MDFIC2: variants seen among roughly 807,000 people sequenced by gnomAD.
MDFIC2 encodes MyoD family inhibitor domain containing 2.
At chr3:70,207,019 A>G (rs1233194757) in intron 2 of MDFIC2, among the ~76,000 whole-genome samples, 3 of 149,526 alleles carry the variant, frequency 2.0e-5, no homozygotes, top group African/African-American at 7.5e-5. Flanking sequence ...GGTAATTTGT[A>G]ACACTTATTT....
intron 2 of MDFIC2, among the ~76,000 whole-genome samples, chr3:70,268,000 C>T (rs1395078945): frequency 5.9e-5 from 9 of 151,316 alleles, no homozygotes; most frequent in African/African-American, 1.7e-4. Flanking sequence ...TTCACCTCCC[C>T]TTTCTCCTCC....
intron 2 of MDFIC2, among the ~76,000 whole-genome samples, chr3:70,285,403 C>T (rs1415376338): frequency 3.9e-5 from 6 of 152,084 alleles, no homozygotes; most frequent in Non-Finnish European, 8.8e-5. Context: ...GTTTTTATGG[C>T]TGCATAGTAT....
chr3:70,259,914 AAGG>A (rs1205903277), intron 2 of MDFIC2, among the ~76,000 whole-genome samples: 2 of 152,162 alleles, frequency 1.3e-5, no homozygotes. Flanking sequence ...AGGAAGCAGG[AAGG>A]AGAAGTGCCA....
chr3:70,281,481 T>C (rs949458831), intron 2 of MDFIC2, among the ~76,000 whole-genome samples: 4 of 152,222 alleles, frequency 2.6e-5, no homozygotes, highest in African/African-American at 4.8e-5. Flanking sequence ...TTGGGTTCTC[T>C]GACATGCATT....
At chr3:70,228,462 A>C (rs1701528645) in intron 2 of MDFIC2, among the ~76,000 whole-genome samples, 1 of 152,080 alleles carries the variant, frequency 6.6e-6, no homozygotes, top group Non-Finnish European at 1.5e-5. Context: ...AGATTCAGAA[A>C]TAGACTCTGT....
At chr3:70,217,052 G>A (rs1314318913) in intron 2 of MDFIC2, among the ~76,000 whole-genome samples, 1 of 152,124 alleles carries the variant, frequency 6.6e-6, no homozygotes, top group African/African-American at 2.4e-5. Context: ...TCTGCACAGT[G>A]ATTTTTAAAA....
intron 2 of MDFIC2, among the ~76,000 whole-genome samples, chr3:70,248,143 C>T (rs1701726290): frequency 6.6e-6 from 1 of 151,958 alleles, no homozygotes; most frequent in African/African-American, 2.4e-5. Flanking sequence ...TATTCTCTGT[C>T]CTGAAGTCTC....
At chr3:70,240,046 T>C (rs1481470474) in intron 2 of MDFIC2, among the ~76,000 whole-genome samples, 1 of 152,084 alleles carries the variant, frequency 6.6e-6, no homozygotes, top group African/African-American at 2.4e-5. Context: ...TAGTTTTGAG[T>C]GCTTCAATGC....
intron 2 of MDFIC2, among the ~76,000 whole-genome samples, chr3:70,223,293 G>C (rs1318349141): frequency 1.3e-5 from 2 of 152,090 alleles, no homozygotes; most frequent in Non-Finnish European, 2.9e-5. Flanking sequence ...ACACAGTCAA[G>C]ACTCAACTCA....
chr3:70,296,988 C>G (rs1057508182), intron 2 of MDFIC2, among the ~76,000 whole-genome samples: 1 of 151,908 alleles, frequency 6.6e-6, no homozygotes, highest in Non-Finnish European at 1.5e-5. Flanking sequence ...TCCCCATGCT[C>G]CCCAACCGCC....
chr3:70,290,140 T>G (rs189569057), intron 2 of MDFIC2, among the ~76,000 whole-genome samples: 7,223 of 152,188 alleles, frequency 0.047, 212 homozygotes, highest in South Asian at 0.14. Flanking sequence ...GGCGCTCTGC[T>G]TTTTAGAGTT....
At chr3:70,229,918 A>C (rs927558218) in intron 2 of MDFIC2, among the ~76,000 whole-genome samples, 3 of 152,168 alleles carry the variant, frequency 2.0e-5, no homozygotes, top group Non-Finnish European at 4.4e-5. Flanking sequence ...AATCAAGAAT[A>C]TTTTGGGGTA....
intron 2 of MDFIC2, among the ~76,000 whole-genome samples, chr3:70,280,249 T>G (rs1463394461): frequency 6.6e-6 from 1 of 152,150 alleles, no homozygotes; most frequent in Non-Finnish European, 1.5e-5. Context: ...AAAAAGATGT[T>G]TGTGATTAAA....
intron 2 of MDFIC2, among the ~76,000 whole-genome samples, chr3:70,207,926 A>G (rs935273277): frequency 2.0e-5 from 3 of 152,050 alleles, no homozygotes; most frequent in African/African-American, 7.2e-5. Context: ...CTGCTCTGCA[A>G]CAAGCGCTGG....
intron 1 of MDFIC2, among the ~76,000 whole-genome samples, chr3:70,312,174 TATG>T (rs779553599): frequency 8.5e-5 from 13 of 152,212 alleles, no homozygotes; most frequent in Non-Finnish European, 1.2e-4. Context: ...CTAAACTTTA[TATG>T]ATATTTCTTT....
intron 2 of MDFIC2, among the ~76,000 whole-genome samples, chr3:70,223,374 CTGAGA>C (rs1701476975): frequency 6.6e-6 from 1 of 152,280 alleles, no homozygotes; most frequent in Non-Finnish European, 1.5e-5. Flanking sequence ...TAAAAATCAA[CTGAGA>C]TGAGTGCAGA....
At chr3:70,290,345 G>C (rs565579814) in intron 2 of MDFIC2, among the ~76,000 whole-genome samples, 2 of 152,146 alleles carry the variant, frequency 1.3e-5, no homozygotes, top group African/African-American at 4.8e-5. Context: ...TGCCCCTGTT[G>C]GGGGGTGCCT....
intron 2 of MDFIC2, among the ~76,000 whole-genome samples, chr3:70,303,261 A>G (rs1404412201): frequency 1.3e-5 from 2 of 152,114 alleles, no homozygotes; most frequent in Non-Finnish European, 2.9e-5. Flanking sequence ...ATTCCCTCTG[A>G]AGAAGCATCT....
intron 2 of MDFIC2, among the ~76,000 whole-genome samples, chr3:70,218,330 G>A (rs919387303): frequency 2.6e-5 from 4 of 152,152 alleles, no homozygotes; most frequent in African/African-American, 7.2e-5. Flanking sequence ...TGTGCACATG[G>A]ATGTATATAG....
Sources: allele counts gnomAD v4.1 joint callset (sites outside exome capture counted in the v4.1 genomes callset), GRCh38; gene constraint gnomAD v4.1.1; transcripts MANE v1.5; gene names NCBI Gene and HGNC (gene_info 2026-07-23, HGNC 2026-07-21).